The following EIF4EBP2 variants were observed in gnomAD, a reference collection of about 807,000 sequenced individuals.
EIF4EBP2 encodes eukaryotic translation initiation factor 4E-binding protein 2.
EIF4EBP2 carries 5 observed loss-of-function variants against 10.3 expected under a neutral mutation model. That is an observed-to-expected ratio of 0.48 (90% CI 0.25 to 1.02). EIF4EBP2 has a LOEUF of 1.02. EIF4EBP2 is among the 50% of genes least tolerant of loss of function. The probability of loss-of-function intolerance (pLI) is 0.15; values close to 1 mark genes in which losing one functional copy is unlikely to be tolerated. For missense variants in EIF4EBP2, 188 were observed against 162.2 expected (o/e 1.16, Z -0.86); for synonymous variants, 67 against 61.1 (o/e 1.10, Z -0.45).
Position 70,409,306 on chromosome 10 carries a change from A to AT in EIF4EBP2, c.145+4769dup, listed in dbSNP as rs574941655. Among the ~76,000 whole-genome samples, 90 of 151,016 alleles carry AT rather than the reference A, an allele frequency of 6.0e-4. No individual in the cohort carries two copies. The South Asian group carries it at 9.6e-3, about 16-fold the overall frequency. On this transcript the variant is annotated intron_variant, in intron 1 of 2. Coordinates refer to ENST00000373218, the MANE Select transcript of EIF4EBP2 (RefSeq NM_004096.5). ...GCCAAAAAAAAAGCTCTTGGATTTT[A>AT]TTTTTTTTTCTATCTGCCTGTGGAG... is the stretch of plus-strand genomic sequence containing the variant.
At chr10:70,404,589 C>A in intron 1 of EIF4EBP2, 43 bp downstream of exon 1, 6 of 1,510,190 alleles carry the variant, frequency 4.0e-6, no homozygotes, top group Non-Finnish European at 5.3e-6. Context: ...TGTCCCGCCG[C>A]GGTCCTCTAA....
In EIF4EBP2 at chr10:70,419,967, A is replaced by G. The variant is rs1318838463; in HGVS notation, c.199A>G (p.Met67Val). 6.2e-6 allele frequency: 10 copies of G among 1,604,168 alleles called. No homozygotes were observed. The African/African-American group carries it at 1.1e-4, about 17-fold the overall frequency. ...TCTGTTGGATCGTCGCAATTCTCCC[A>G]TGGCTCAGACCCCACCCTGCCACCT... is the stretch of plus-strand genomic sequence containing the variant. ...KFLLDRRNSP[M>V]AQTPPCHLPN... is the part of the protein sequence containing the mutation. The change falls in exon 2 of 3, where the codon ATG (methionine) becomes GTG (valine). Residue 67 changes from methionine to valine, a missense_variant. Physicochemically the swap from Met to Val is conservative, Grantham distance 21. Transcript: ENST00000373218.
At position 70,424,108 on chromosome 10, in the gene EIF4EBP2, T is replaced by C. The variant is rs1366886061; in HGVS notation, c.*2361T>C. 6.6e-6 allele frequency: 1 copy of C among 152,186 alleles called. No homozygotes were observed. Among genetic ancestry groups the C allele is most frequent in the Non-Finnish European group, 1.5e-5 (1 of 68,022 alleles). The allele number at this position is 152,186 out of a possible 1,614,324, so 9.4% of individuals were successfully genotyped here. The stretch of plus-strand genomic sequence containing the variant: ...CAGTGAGCAGAAGAGTGAACTCTTC[T>C]TGATCTTTATTGCTATGTGTGAAAA... On this transcript the variant is annotated 3_prime_UTR_variant, in exon 3 of 3. Coordinates refer to ENST00000373218, the MANE Select transcript of EIF4EBP2 (RefSeq NM_004096.5).
chr10:70,414,095 T>G (rs1199913782), intron 1 of EIF4EBP2, among the ~76,000 whole-genome samples: 1 of 152,222 alleles, frequency 6.6e-6, no homozygotes, highest in African/African-American at 2.4e-5. Context: ...ATATTTTAGA[T>G]TTTTTAATAG....
intron 1 of EIF4EBP2, among the ~76,000 whole-genome samples, chr10:70,416,697 A>G (rs975804871): frequency 1.0e-4 from 14 of 137,798 alleles, no homozygotes; most frequent in African/African-American, 3.6e-4. Context: ...ACAGGGTCTC[A>G]CTCTGTCATC....
chr10:70,412,247 G>A (rs899406042), intron 1 of EIF4EBP2, among the ~76,000 whole-genome samples: 2 of 152,122 alleles, frequency 1.3e-5, no homozygotes, highest in Non-Finnish European at 2.9e-5. Flanking sequence ...TATTTTATGA[G>A]GGTGTGGGTC....
Position 70,421,798 on chromosome 10 carries a change from C to T in EIF4EBP2, c.*51C>T. 1 of 1,575,656 alleles carries T rather than the reference C, an allele frequency of 6.3e-7. No individual in the cohort carries two copies. Among genetic ancestry groups the T allele is most frequent in the African/African-American group, 1.3e-5 (1 of 74,104 alleles). ...GCAGCAACACTGATACTTGTGTGCACCTGATTTGGCCAATAGGATCAACAG... is the reference window on the plus strand; with the variant it reads ...GCAGCAACACTGATACTTGTGTGCATCTGATTTGGCCAATAGGATCAACAG... On this transcript the variant is annotated 3_prime_UTR_variant, in exon 3 of 3. Transcript: ENST00000373218.
chr10:70,409,371 C>T (rs1363702968), intron 1 of EIF4EBP2, among the ~76,000 whole-genome samples: 4 of 152,092 alleles, frequency 2.6e-5, no homozygotes, highest in Non-Finnish European at 5.9e-5. Flanking sequence ...GAGAAGCTAC[C>T]TCTGCCCTCA....
rs993051856 is a variant in EIF4EBP2 at position 70,425,045 on chromosome 10, A to T, written c.*3298A>T. On this transcript the variant is annotated 3_prime_UTR_variant, in exon 3 of 3. Coordinates refer to ENST00000373218, the MANE Select transcript of EIF4EBP2 (RefSeq NM_004096.5). ...CATGATGGTTCTGGCCCATGGTATCATGAAGTTACAGTCAAGATTGAACAG... is the reference window on the plus strand; with the variant it reads ...CATGATGGTTCTGGCCCATGGTATCTTGAAGTTACAGTCAAGATTGAACAG... 1 of 152,264 alleles carries T rather than the reference A, an allele frequency of 6.6e-6. No homozygotes were observed. Among genetic ancestry groups the T allele is most frequent in the African/African-American group, 2.4e-5 (1 of 41,476 alleles). 9.4% of individuals were successfully genotyped at this position (152,264 alleles called of 1,614,324 possible).
In EIF4EBP2 at chr10:70,415,973, T is replaced by C. The variant is rs1417207757; in HGVS notation, c.146-3941T>C. Among the ~76,000 whole-genome samples, 5 of 152,144 alleles carry C rather than the reference T, an allele frequency of 3.3e-5. No homozygotes were observed. The East Asian group carries it at 9.6e-4, about 29-fold the overall frequency. ...AAAGATAACCCACAGAATAGGAGACTATATTTGCAGTCACATAAGAGATTT... is the reference window on the plus strand; with the variant it reads ...AAAGATAACCCACAGAATAGGAGACCATATTTGCAGTCACATAAGAGATTT... On this transcript the variant is annotated intron_variant, in intron 1 of 2. Transcript: ENST00000373218.
chr10:70,416,990 A>T (rs749183519), intron 1 of EIF4EBP2, among the ~76,000 whole-genome samples: 3 of 152,172 alleles, frequency 2.0e-5, no homozygotes, highest in Non-Finnish European at 4.4e-5. Flanking sequence ...GTATATACCC[A>T]AGAGAATGGA....
rs1159895391 is a variant in EIF4EBP2, at chr10:70,404,449, C to G, written c.48C>G (p.Ala16=). The G allele has an allele frequency of 6.3e-7, 1 of 1,596,068 alleles. No individual in the cohort carries two copies. Among genetic ancestry groups the G allele is most frequent in the East Asian group, 2.3e-5 (1 of 42,946 alleles). ...GCCACCAGCCCAGCCAGAGCCGCGC[C>G]ATCCCCACCCGCACCGTGGCCATCA... ...GSGHQPSQSR[A]IPTRTVAISD... The change falls in exon 1 of 3, where the codon GCC becomes GCG. Residue 16 remains alanine, a synonymous_variant. Coordinates refer to ENST00000373218, the MANE Select transcript of EIF4EBP2 (RefSeq NM_004096.5).
intron 1 of EIF4EBP2, among the ~76,000 whole-genome samples, chr10:70,415,908 A>G (rs1845090083): frequency 6.6e-6 from 1 of 152,202 alleles, no homozygotes; most frequent in Admixed American, 6.5e-5. Context: ...CATCATGAAA[A>G]TTAAGAACTT....
intron 1 of EIF4EBP2, among the ~76,000 whole-genome samples, chr10:70,416,821 C>T (rs1480186571): frequency 6.6e-6 from 1 of 151,762 alleles, no homozygotes; most frequent in African/African-American, 2.4e-5. Flanking sequence ...TGCAACACCA[C>T]GCCTGGCTAA....
Position 70,404,221 on chromosome 10 carries a change from CGGCGGCGGCGGCGGCGGCTGAGAG to C in EIF4EBP2, c.-169_-146del, listed in dbSNP as rs1844943816. Among the ~76,000 whole-genome samples the C allele has an allele frequency of 6.6e-6, 1 of 152,004 alleles. No homozygotes were observed. Among genetic ancestry groups the C allele is most frequent in the Non-Finnish European group, 1.5e-5 (1 of 67,956 alleles). On this transcript the variant is annotated 5_prime_UTR_variant, in exon 1 of 3. Coordinates refer to ENST00000373218, the MANE Select transcript of EIF4EBP2 (RefSeq NM_004096.5). ...TGCTGGCTGAGGCCGGAGGATCGAG[CGGCGGCGGCGGCGGCGGCTGAGAG>C]GGCGGCGGCGGGAGCGGAGCGGGAC...
At position 70,426,770 on chromosome 10, in the gene EIF4EBP2, A is replaced by G. The variant is rs1845209669; in HGVS notation, c.*5023A>G. 1 of 152,172 alleles carries G rather than the reference A, an allele frequency of 6.6e-6. No homozygotes were observed. The highest frequency in any genetic ancestry group is 2.4e-5 in the African/African-American group (1 of 41,448). 9.4% of individuals were successfully genotyped at this position (152,172 alleles called of 1,614,324 possible). A position where few individuals can be genotyped will look rare whatever the true frequency, so the allele number is the denominator to read the frequency against. On this transcript the variant is annotated 3_prime_UTR_variant, in exon 3 of 3. Coordinates refer to ENST00000373218, the MANE Select transcript of EIF4EBP2 (RefSeq NM_004096.5). ...TAAATGAATTTTGTTTTTCTTTCTT[A>G]TTTTGAGGTGGATTGGTCTTCTCTT...
chr10:70,414,050 T>C (rs1845069097), intron 1 of EIF4EBP2, among the ~76,000 whole-genome samples: 1 of 152,252 alleles, frequency 6.6e-6, no homozygotes, highest in Admixed American at 6.5e-5. Flanking sequence ...TCAGAAAATG[T>C]ACATCTGTGC....
chr10:70,422,483 T>C lies in EIF4EBP2; in HGVS notation c.*736T>C, dbSNP rs1845168329. On this transcript the variant is annotated 3_prime_UTR_variant, in exon 3 of 3. Transcript: ENST00000373218. ...GCATTTGTGCAGATATTTTTAACTC[T>C]GTACATCAGAAGAGAGCCCTTGGTA... 1 of 152,236 alleles carries C rather than the reference T, an allele frequency of 6.6e-6. No homozygotes were observed. The highest frequency in any genetic ancestry group is 2.4e-5 in the African/African-American group (1 of 41,464). The allele number at this position is 152,236 out of a possible 1,614,324, so 9.4% of individuals were successfully genotyped here. A position where few individuals can be genotyped will look rare whatever the true frequency, so the allele number is the denominator to read the frequency against.
intron 1 of EIF4EBP2, among the ~76,000 whole-genome samples, chr10:70,407,860 A>G (rs1589145476): frequency 1.2e-5 from 1 of 85,202 alleles, no homozygotes; most frequent in Admixed American, 1.5e-4. Flanking sequence ...CGGGGGGCTG[A>G]CCCCCCACCT....
Sources: gnomAD v4.1 joint callset for allele counts (sites outside exome capture counted in the v4.1 genomes callset) on GRCh38, gnomAD v4.1.1 for gene constraint, MANE v1.5 for transcripts, NCBI Gene and HGNC (gene_info 2026-07-23, HGNC 2026-07-21) for gene names.